The following DLGAP1 variants were observed in gnomAD, a reference collection of about 807,000 sequenced individuals.
The protein encoded by DLGAP1 is DLG associated protein 1, also known as disks large-associated protein 1.
A neutral mutation model predicts 90.8 loss-of-function variants in DLGAP1; 11 were observed. The ratio of observed to expected loss-of-function variants is 0.12; its 90% CI spans 0.08 to 0.20. The LOEUF (loss-of-function observed/expected upper bound fraction) is 0.20. Ranked by LOEUF, DLGAP1 falls within the 10% of genes least tolerant of loss-of-function variation. DLGAP1 has a pLI of 1.00. For missense variants in DLGAP1, 1,050 were observed against 1,333.8 expected, an observed-to-expected ratio of 0.79 and a Z score of 3.31; for synonymous variants, 558 against 540.7, an observed-to-expected ratio of 1.03 and a Z score of -0.44.
chr18:3,900,520 A>G (rs548472301), intron 3 of DLGAP1, among the ~76,000 whole-genome samples: 3 of 152,312 alleles, frequency 2.0e-5, no homozygotes, highest in Admixed American at 6.5e-5. Context: ...CTCAGCAACT[A>G]CCCCAATGCC....
intron 7 of DLGAP1, among the ~76,000 whole-genome samples, chr18:3,720,374 A>G (rs1223050740): frequency 2.0e-5 from 3 of 152,230 alleles, no homozygotes; most frequent in African/African-American, 7.2e-5. Context: ...TGATAGTTAC[A>G]TGATCATTGA....
chr18:3,652,033 G>A (rs1232415227), intron 7 of DLGAP1, among the ~76,000 whole-genome samples: 4 of 151,568 alleles, frequency 2.6e-5, no homozygotes, highest in Admixed American at 6.6e-5. Flanking sequence ...GCGTGGTGGC[G>A]CGCGCCTGTA....
chr18:4,087,040 T>TATATAC lies in DLGAP1; in HGVS notation c.-159+64139_-159+64140insGTATAT, dbSNP rs764192120. ...CTACCTTGTCTGAGATATATATATA[T>TATATAC]ACACAAACACATATATATATACACA... On this transcript the variant is annotated intron_variant, in intron 2 of 12. Transcript: ENST00000315677. Among the ~76,000 whole-genome samples, 451 of 103,522 alleles carry TATATAC rather than the reference T, an allele frequency of 4.4e-3. 19 individuals carry two copies. Among genetic ancestry groups the TATATAC allele is most frequent in the Middle Eastern group, 0.012 (2 of 172 alleles). 67.9% of individuals were successfully genotyped at this position (103,522 alleles called of 152,430 possible).
chr18:3,507,321 TAAAACAAAACAAAACAAAAC>T lies in DLGAP1; in HGVS notation c.2571+1229_2571+1248del, dbSNP rs71366673. On this transcript the variant is annotated intron_variant, in intron 11 of 12. Coordinates refer to ENST00000315677, the MANE Select transcript of DLGAP1 (RefSeq NM_004746.4). ...TAACACCATGAAAACCCGTCTCTAC[TAAAACAAAACAAAACAAAAC>T]AAAACAAAACAAAACAAAACAAAAA... Among the ~76,000 whole-genome samples, 379 of 148,282 alleles carry T rather than the reference TAAAACAAAACAAAACAAAAC, an allele frequency of 2.6e-3. 2 individuals are homozygous for T. The highest frequency in any genetic ancestry group is 4.5e-3 in the Non-Finnish European group (302 of 67,360).
rs569788288 is a variant in DLGAP1 at position 3,544,697 on chromosome 18, G to GA, written c.2058-10083dup. On this transcript the variant is annotated intron_variant, in intron 9 of 12. Coordinates refer to ENST00000315677, the MANE Select transcript of DLGAP1 (RefSeq NM_004746.4). The stretch of plus-strand genomic sequence containing the variant: ...TTGTTAAATGCTCTGTGTGTACTTG[G>GA]AAAAAAAAATGTGTACTTTGCTTTT... Among the ~76,000 whole-genome samples the GA allele has an allele frequency of 4.2e-3, 619 of 147,772 alleles. 19 individuals carry two copies. Among genetic ancestry groups the GA allele is most frequent in the Admixed American group, 0.036 (534 of 14,766 alleles).
intron 1 of DLGAP1, among the ~76,000 whole-genome samples, chr18:4,443,677 T>G (rs2083591474): frequency 6.6e-6 from 1 of 152,232 alleles, no homozygotes; most frequent in Admixed American, 6.5e-5. Flanking sequence ...TGTAAATTGG[T>G]ATTGCCGATA....
intron 2 of DLGAP1, among the ~76,000 whole-genome samples, chr18:4,117,698 C>T (rs1266611661): frequency 6.6e-6 from 1 of 152,176 alleles, no homozygotes; most frequent in Non-Finnish European, 1.5e-5. Context: ...TGACGGACTA[C>T]TAGCTTGGAT....
chr18:4,008,074 G>T (rs2074340525), intron 2 of DLGAP1, among the ~76,000 whole-genome samples: 1 of 151,938 alleles, frequency 6.6e-6, no homozygotes, highest in Non-Finnish European at 1.5e-5. Context: ...CCTCTGTCTG[G>T]ACTCCTCACC....
At chr18:3,989,220 T>C (rs1301996885) in intron 3 of DLGAP1, among the ~76,000 whole-genome samples, 1 of 152,084 alleles carries the variant, frequency 6.6e-6, no homozygotes, top group Non-Finnish European at 1.5e-5. Flanking sequence ...TCCAGCAGAG[T>C]TGGGAAATGG....
chr18:4,269,587 C>G (rs1228698842), intron 1 of DLGAP1, among the ~76,000 whole-genome samples: 1 of 151,904 alleles, frequency 6.6e-6, no homozygotes, highest in Non-Finnish European at 1.5e-5. Context: ...ATCTCCTGAC[C>G]TTGTGATCCA....
intron 1 of DLGAP1, among the ~76,000 whole-genome samples, chr18:4,452,640 C>A (rs2083862838): frequency 6.6e-6 from 1 of 152,172 alleles, no homozygotes; most frequent in Non-Finnish European, 1.5e-5. Flanking sequence ...TAGGCTATTT[C>A]TCTATATGCG....
intron 5 of DLGAP1, among the ~76,000 whole-genome samples, chr18:3,799,109 T>C (rs750294532): frequency 6.6e-6 from 1 of 152,182 alleles, no homozygotes; most frequent in African/African-American, 2.4e-5. Context: ...ACTCCTGACC[T>C]CGTGATCCAC....
intron 1 of DLGAP1, among the ~76,000 whole-genome samples, chr18:4,367,004 CAAAAAA>C (rs67286288): frequency 0.045 from 2,750 of 60,786 alleles, 66 homozygotes; most frequent in African/African-American, 0.097. Context: ...CTGTCAATGG[CAAAAAA>C]AAAAAAAAAA....
intron 1 of DLGAP1, among the ~76,000 whole-genome samples, chr18:4,170,986 C>T (rs2077013880): frequency 6.6e-6 from 1 of 151,886 alleles, no homozygotes; most frequent in East Asian, 1.9e-4. Context: ...AATTTTAAGG[C>T]TTAAATTTGC....
intron 4 of DLGAP1, chr18:3,845,122 A>G: frequency 6.6e-6 from 9 of 1,358,456 alleles, no homozygotes; most frequent in Non-Finnish European, 9.2e-6. Flanking sequence ...ATCATGAAAC[A>G]TGAAATTAAC....
chr18:4,444,062 G>A (rs1476084829), intron 1 of DLGAP1, among the ~76,000 whole-genome samples: 2 of 152,154 alleles, frequency 1.3e-5, no homozygotes, highest in Non-Finnish European at 2.9e-5. Context: ...ACACAATAGA[G>A]AGGCAGAAGA....
chr18:3,628,124 C>T (rs1201789078), intron 7 of DLGAP1, among the ~76,000 whole-genome samples: 1 of 151,798 alleles, frequency 6.6e-6, no homozygotes, highest in African/African-American at 2.4e-5. Context: ...GGTCCACCCG[C>T]CTTGGCCTCC....
chr18:3,602,604 A>AC (rs2057121676), intron 7 of DLGAP1, among the ~76,000 whole-genome samples: 1 of 150,284 alleles, frequency 6.7e-6, no homozygotes, highest in African/African-American at 2.5e-5. Context: ...AAAAAAAAAA[A>AC]AAAAAAAAAA....
chr18:3,880,521 G>A (rs891954556), intron 3 of DLGAP1, among the ~76,000 whole-genome samples: 1 of 151,652 alleles, frequency 6.6e-6, no homozygotes, highest in Non-Finnish European at 1.5e-5. Context: ...GTGTTTTTTT[G>A]GCAGAACTTA....
Sources: allele counts gnomAD v4.1 joint callset (sites outside exome capture counted in the v4.1 genomes callset), GRCh38; gene constraint gnomAD v4.1.1; transcripts MANE v1.5; gene names NCBI Gene and HGNC (gene_info 2026-07-23, HGNC 2026-07-21).